The following LGALS4 variants were observed in gnomAD, a reference collection of about 807,000 sequenced individuals.
LGALS4 encodes galectin 4.
A neutral mutation model predicts 39.6 loss-of-function variants in LGALS4; 37 were observed. The observed-to-expected ratio is 0.93, with a 90% CI of 0.72 to 1.23. The LOEUF is 1.23. LGALS4 is among the 50% of genes most tolerant of loss of function. The pLI, the probability that LGALS4 is intolerant of heterozygous loss-of-function variation, is 0.00. For missense variants in LGALS4, 397 were observed against 433.2 expected (o/e 0.92, Z 0.74); for synonymous variants, 160 against 165.5 (o/e 0.97, Z 0.25).
At chr19:38,809,156 G>T (rs1158567310) in intron 2 of LGALS4, among the ~76,000 whole-genome samples, 2 of 148,508 alleles carry the variant, frequency 1.3e-5, no homozygotes, top group Non-Finnish European at 3.0e-5. Flanking sequence ...CCACACCTTC[G>T]CTCACAGCCT....
chr19:38,803,749 C>T lies in LGALS4; in HGVS notation c.533G>A (p.Ser178Asn). The change falls in exon 6 of 10, where the codon AGC (serine) becomes AAC (asparagine). Residue 178 changes from serine to asparagine, a missense_variant. By Grantham distance (46) the Ser-to-Asn change is conservative (BLOSUM62 1). Transcript: ENST00000307751. ...CCCAGCCCTCCCACTCACGGGCAGG[C>T]TGTTCAGCTGTTGATGGCAATGTCC... ...GPGHCHQQLNSLPTMEGPPTF... is the reference protein window; with the variant it reads ...GPGHCHQQLNNLPTMEGPPTF... The T allele has an allele frequency of 9.9e-6, 16 of 1,613,528 alleles. No homozygotes were observed. Among genetic ancestry groups the T allele is most frequent in the Non-Finnish European group, 1.2e-5 (14 of 1,179,786 alleles).
At chr19:38,807,563 TCTGGGAAGTGAGGAGCGCCTCTGCCA>T (rs1971437168) in intron 3 of LGALS4, among the ~76,000 whole-genome samples, 2 of 151,788 alleles carry the variant, frequency 1.3e-5, no homozygotes, top group African/African-American at 4.8e-5. Context: ...GGCCGCCCCG[TCTGGGAAGTGAGGAGCGCCTCTGCCA>T]GGCCGCCCTG....
intron 4 of LGALS4, 61 bp from the exon 5 acceptor site, chr19:38,803,956 G>T: frequency 6.5e-7 from 1 of 1,549,250 alleles, no homozygotes; most frequent in Non-Finnish European, 8.8e-7. Context: ...ACTGAAAGAT[G>T]TCGAGAGTGC....
At chr19:38,812,163 G>T (rs1291085806) in intron 2 of LGALS4, among the ~76,000 whole-genome samples, 2 of 152,230 alleles carry the variant, frequency 1.3e-5, no homozygotes, top group African/African-American at 4.8e-5. Context: ...CTGAGCCTGT[G>T]ATCTGAATTC....
At chr19:38,812,401 C>A in intron 2 of LGALS4, 30 bp downstream of exon 2, 6 of 1,603,790 alleles carry the variant, frequency 3.7e-6, no homozygotes, top group Non-Finnish European at 5.1e-6. Context: ...AGTCCCCTGC[C>A]AGCCCGGCCT....
In LGALS4 at chr19:38,802,077, A is replaced by AT; in HGVS notation, c.739_740insA (p.Val247AspfsTer29). 3.7e-6 allele frequency: 6 copies of AT among 1,614,130 alleles called. No homozygotes were observed. The highest frequency in any genetic ancestry group is 5.1e-6 in the Non-Finnish European group (6 of 1,180,024). On this transcript the variant is annotated frameshift_variant, in exon 9 of 10. Coordinates refer to ENST00000307751, the MANE Select transcript of LGALS4 (RefSeq NM_006149.4). LOFTEE classifies it high-confidence loss of function. ...CGAGCCATTCAGAAGGCTGTTCCGGACCACGGTACCGTTGCCCATGCGGGG... is the reference window on the plus strand; with the variant it reads ...CGAGCCATTCAGAAGGCTGTTCCGGATCCACGGTACCGTTGCCCATGCGGGG...
intron 1 of LGALS4, 150 bp from the exon 2 acceptor site, chr19:38,812,669 G>A (rs878857149): frequency 3.3e-5 from 31 of 934,458 alleles, no homozygotes; most frequent in African/African-American, 2.6e-4. Flanking sequence ...ACAGTTAGAC[G>A]TGGACACAGA....
At chr19:38,808,644 G>GAAAT in intron 3 of LGALS4, 100 bp downstream of exon 3, 1 of 690,660 alleles carries the variant, frequency 1.4e-6, no homozygotes, top group Non-Finnish European at 2.3e-6. Flanking sequence ...AAAAAAAAAA[G>GAAAT]AAAGAAAGAA....
rs776641374 is a variant in LGALS4, at chr19:38,808,729, A to G, written c.339+15T>C. ...TGCACTCCAGCTTGGGAAACAAGAG[A>G]GAAAGCATGCAGACCTTGTAGTGCT... On this transcript the variant is annotated intron_variant, in intron 3 of 9. Coordinates refer to ENST00000307751, the MANE Select transcript of LGALS4 (RefSeq NM_006149.4). 1.2e-6 allele frequency: 2 copies of G among 1,608,972 alleles called. No homozygotes were observed. Among genetic ancestry groups the G allele is most frequent in the Non-Finnish European group, 1.7e-6 (2 of 1,176,024 alleles).
At chr19:38,807,440 C>T (rs1313556934) in intron 3 of LGALS4, among the ~76,000 whole-genome samples, 1 of 152,094 alleles carries the variant, frequency 6.6e-6, no homozygotes, top group Admixed American at 6.6e-5. Flanking sequence ...AAATGTATTA[C>T]AAGACTCTCA....
At chr19:38,802,460 G>T in intron 7 of LGALS4, 56 bp from the exon 8 acceptor site, 1 of 1,346,004 alleles carries the variant, frequency 7.4e-7, no homozygotes, top group Non-Finnish European at 1.1e-6. Flanking sequence ...AGCCAGATGT[G>T]GGAAGAAATT....
rs1326270459 is a variant in LGALS4 at position 38,802,166 on chromosome 19, A to G, written c.660-9T>C. 5 of 1,613,000 alleles carry G rather than the reference A, an allele frequency of 3.1e-6. No homozygotes were observed. Among genetic ancestry groups the G allele is most frequent in the Middle Eastern group, 1.7e-4 (1 of 5,976 alleles). On this transcript the variant is annotated splice_polypyrimidine_tract_variant and intron_variant, in intron 8 of 9. Transcript: ENST00000307751. ...TGAAGTTGATAGCAAAGCTGGGGAC[A>G]GAGAGGGATGGGGGAGTCAGATGGA...
chr19:38,803,440 C>T, intron 7 of LGALS4, 82 bp downstream of exon 7: 1 of 1,450,666 alleles, frequency 6.9e-7, no homozygotes, highest in Non-Finnish European at 9.7e-7. Flanking sequence ...AACCCTCAGC[C>T]CACTCCCTTT....
At chr19:38,811,732 G>A (rs915427058) in intron 2 of LGALS4, among the ~76,000 whole-genome samples, 2 of 151,600 alleles carry the variant, frequency 1.3e-5, no homozygotes, top group African/African-American at 4.8e-5. Context: ...GCTAAGACTG[G>A]GCCAGGCGCA....
chr19:38,809,021 C>T, intron 2 of LGALS4, 73 bp from the exon 3 acceptor site: 1 of 1,322,110 alleles, frequency 7.6e-7, no homozygotes, highest in Non-Finnish European at 1.0e-6. Context: ...AGGAAGCCCT[C>T]TCCCTGCCGC....
In LGALS4 at chr19:38,802,474, T is replaced by TTTTTC. The variant is rs1290568284; in HGVS notation, c.571-75_571-71dup. 2.9e-5 allele frequency: 36 copies of TTTTTC among 1,227,704 alleles called. No individual in the cohort carries two copies. In the South Asian group the frequency reaches 4.1e-4, roughly 14 times the overall value. 76.1% of individuals were successfully genotyped at this position (1,227,704 alleles called of 1,614,324 possible). On this transcript the variant is annotated intron_variant, in intron 7 of 9. Transcript: ENST00000307751. ...GAGCCAGATGTGGGAAGAAATTTTCTTTTTCTTTTCTTTTCTTTCCTGTCT... is the reference window on the plus strand; with the variant it reads ...GAGCCAGATGTGGGAAGAAATTTTCTTTTTCTTTTCTTTTCTTTTCTTTCCTGTCT...
intron 6 of LGALS4, 70 bp from the exon 7 acceptor site, chr19:38,803,621 T>C: frequency 1.3e-6 from 2 of 1,596,992 alleles, no homozygotes; most frequent in East Asian, 2.2e-5. Flanking sequence ...CCCATTAGAC[T>C]CCGGCGTTTC....
chr19:38,810,354 CTTTTTTTTTTT>C (rs761533885), intron 2 of LGALS4, among the ~76,000 whole-genome samples: 1 of 92,876 alleles, frequency 1.1e-5, no homozygotes, highest in East Asian at 3.3e-4. Context: ...GAGATTTCGC[CTTTTTTTTTTT>C]TTTTTTTTTT....
intron 4 of LGALS4, among the ~76,000 whole-genome samples, 186 bp from the exon 5 acceptor site, chr19:38,804,081 A>G (rs1971394428): frequency 6.6e-6 from 1 of 152,122 alleles, no homozygotes; most frequent in Non-Finnish European, 1.5e-5. Context: ...GGGATCGCTG[A>G]TGCCCAGTGA....
Sources: allele counts gnomAD v4.1 joint callset (sites outside exome capture counted in the v4.1 genomes callset), GRCh38; gene constraint gnomAD v4.1.1; transcripts MANE v1.5; gene names NCBI Gene and HGNC (gene_info 2026-07-23, HGNC 2026-07-21).